The following SAMTOR variants were observed in gnomAD, a reference collection of about 807,000 sequenced individuals.
SAMTOR encodes the protein S-adenosylmethionine sensor upstream of mTORC1, also known as UPF0532 protein C7orf60.
chr7:112,879,773 T>C, the SAMTOR span, among the ~76,000 whole-genome samples: 4 of 152,180 alleles, frequency 2.6e-5, no homozygotes, highest in South Asian at 2.1e-4. Flanking sequence ...GCCATGCCCA[T>C]AAAATGAGTA....
At chr7:112,831,561 C>T in the SAMTOR span, among the ~76,000 whole-genome samples, 10 of 151,948 alleles carry the variant, frequency 6.6e-5, no homozygotes, top group African/African-American at 1.7e-4. Context: ...AGGCTGAGGC[C>T]GGAGAATCAC....
the SAMTOR span, among the ~76,000 whole-genome samples, chr7:112,834,488 T>C: frequency 5.3e-5 from 8 of 152,172 alleles, no homozygotes; most frequent in Admixed American, 5.2e-4. Context: ...TGGTTTCAGT[T>C]ACCCGCAGTT....
chr7:112,935,776 C>A, the SAMTOR span, among the ~76,000 whole-genome samples: 1 of 152,102 alleles, frequency 6.6e-6, no homozygotes, highest in Admixed American at 6.6e-5. Flanking sequence ...CTGACAACTG[C>A]AGCCTTTTAC....
At chr7:112,856,252 TTC>T in the SAMTOR span, among the ~76,000 whole-genome samples, 2 of 151,658 alleles carry the variant, frequency 1.3e-5, no homozygotes, top group Non-Finnish European at 2.9e-5. Flanking sequence ...TACTTTTTTT[TTC>T]TTTTTTTTTT....
chr7:112,919,410 G>C, the SAMTOR span, among the ~76,000 whole-genome samples: 9 of 152,154 alleles, frequency 5.9e-5, 1 homozygote, highest in African/African-American at 2.2e-4. Flanking sequence ...CGAGAACAAA[G>C]ATACAACATA....
chr7:112,924,966 A>G, the SAMTOR span, among the ~76,000 whole-genome samples: 1 of 152,194 alleles, frequency 6.6e-6, no homozygotes, highest in Non-Finnish European at 1.5e-5. Context: ...GGCAGATTCA[A>G]TGTTCAAGTT....
chr7:112,928,725 G>T, the SAMTOR span, among the ~76,000 whole-genome samples: 1 of 151,908 alleles, frequency 6.6e-6, no homozygotes, highest in Admixed American at 6.6e-5. Context: ...AATAGTTACT[G>T]TTTTCAAAGT....
At chr7:112,857,410 A>T in the SAMTOR span, among the ~76,000 whole-genome samples, 1 of 152,182 alleles carries the variant, frequency 6.6e-6, no homozygotes, top group Non-Finnish European at 1.5e-5. Context: ...TAATCTTTAC[A>T]GCACTAAAAT....
the SAMTOR span, chr7:112,832,732 T>C: frequency 5.7e-5 from 65 of 1,131,902 alleles, no homozygotes; most frequent in Non-Finnish European, 7.8e-5. Context: ...AGAAATCACA[T>C]AGATTATCAG....
At chr7:112,838,090 G>GT in the SAMTOR span, among the ~76,000 whole-genome samples, 1 of 151,942 alleles carries the variant, frequency 6.6e-6, no homozygotes, top group Non-Finnish European at 1.5e-5. Context: ...CAAATAGGCT[G>GT]TGAAAAGGGT....
the SAMTOR span, among the ~76,000 whole-genome samples, chr7:112,850,186 A>C: frequency 6.6e-6 from 1 of 151,522 alleles, no homozygotes; most frequent in Non-Finnish European, 1.5e-5. Context: ...GGGTAACAAG[A>C]GTGAAACTCC....
chr7:112,892,909 G>A, the SAMTOR span, among the ~76,000 whole-genome samples: 1 of 152,164 alleles, frequency 6.6e-6, no homozygotes, highest in Non-Finnish European at 1.5e-5. Flanking sequence ...GCTCTTGGGT[G>A]ACCTGGTACA....
the SAMTOR span, among the ~76,000 whole-genome samples, chr7:112,825,815 A>C: frequency 1.3e-5 from 2 of 150,108 alleles, no homozygotes; most frequent in African/African-American, 2.4e-5. Context: ...TTTTTCAGAT[A>C]CCCTTTATCA....
the SAMTOR span, among the ~76,000 whole-genome samples, chr7:112,834,598 C>T: frequency 2.0e-5 from 3 of 152,248 alleles, no homozygotes; most frequent in Non-Finnish European, 4.4e-5. Flanking sequence ...AATTCTCACA[C>T]CGTCAGACCC....
the SAMTOR span, among the ~76,000 whole-genome samples, chr7:112,839,099 G>A: frequency 6.6e-6 from 1 of 151,814 alleles, no homozygotes; most frequent in African/African-American, 2.4e-5. Flanking sequence ...GAAAGTACAT[G>A]GTTAAGCCTC....
chr7:112,938,805 T>C, the SAMTOR span, among the ~76,000 whole-genome samples: 1 of 152,206 alleles, frequency 6.6e-6, no homozygotes, highest in East Asian at 1.9e-4. Context: ...CCACTAAGGC[T>C]TCTTCCCCTA....
chr7:112,928,594 C>T, the SAMTOR span, among the ~76,000 whole-genome samples: 1 of 151,804 alleles, frequency 6.6e-6, no homozygotes, highest in African/African-American at 2.4e-5. Context: ...TTTCATCATG[C>T]TCAAAAAATA....
At chr7:112,869,364 C>T in the SAMTOR span, among the ~76,000 whole-genome samples, 1 of 152,020 alleles carries the variant, frequency 6.6e-6, no homozygotes, top group Non-Finnish European at 1.5e-5. Flanking sequence ...GGCTCTTACT[C>T]ATAAGCGCCA....
the SAMTOR span, among the ~76,000 whole-genome samples, chr7:112,936,485 T>C: frequency 6.6e-6 from 1 of 152,146 alleles, no homozygotes; most frequent in South Asian, 2.1e-4. Context: ...TTTACAACCC[T>C]GTTCACCCTT....
Sources: allele counts gnomAD v4.1 joint callset (sites outside exome capture counted in the v4.1 genomes callset), GRCh38; gene constraint gnomAD v4.1.1; transcripts MANE v1.5; gene names NCBI Gene and HGNC (gene_info 2026-07-23, HGNC 2026-07-21).